The following MYO3B variants were observed in gnomAD, a reference collection of about 807,000 sequenced individuals.
MYO3B encodes the protein myosin IIIB, also known as myosin-IIIb.
A neutral mutation model predicts 174.6 loss-of-function variants in MYO3B; 156 were observed. That is an observed-to-expected ratio of 0.89 (90% CI 0.78 to 1.02). The LOEUF (loss-of-function observed/expected upper bound fraction) is 1.02, where lower values mean the gene tolerates loss of function less well. Ranked by LOEUF, MYO3B falls within the 50% of genes least tolerant of loss-of-function variation. The pLI is 0.00. For missense variants in MYO3B, 1,632 were observed against 1,639.4 expected, an observed-to-expected ratio of 1.00 and a Z score of 0.08; for synonymous variants, 563 against 569.1, an observed-to-expected ratio of 0.99 and a Z score of 0.15.
intron 5 of MYO3B, among the ~76,000 whole-genome samples, chr2:170,215,990 A>G (rs946046514): frequency 5.3e-5 from 8 of 152,216 alleles, no homozygotes; most frequent in African/African-American, 1.9e-4. Flanking sequence ...TGCAAAAGGA[A>G]TGTCTAGAAA....
intron 14 of MYO3B, among the ~76,000 whole-genome samples, chr2:170,388,615 A>G (rs144313643): frequency 4.1e-4 from 62 of 152,268 alleles, no homozygotes; most frequent in African/African-American, 1.2e-3. Context: ...TTTTGAGATG[A>G]TCACGCTAGC....
At chr2:170,426,431 G>C (rs2094662107) in intron 22 of MYO3B, among the ~76,000 whole-genome samples, 1 of 151,168 alleles carries the variant, frequency 6.6e-6, no homozygotes, top group Non-Finnish European at 1.5e-5. Context: ...TGCCTCCTGG[G>C]TTCACGCCAT....
chr2:170,574,948 C>T (rs6754688), intron 32 of MYO3B, among the ~76,000 whole-genome samples: 1,819 of 152,240 alleles, frequency 0.012, 33 homozygotes, highest in African/African-American at 0.042. Flanking sequence ...ACCCTCCCCA[C>T]TCCCTTTAAT....
intron 1 of MYO3B, among the ~76,000 whole-genome samples, chr2:170,185,603 C>A (rs1231535586): frequency 3.3e-5 from 5 of 152,126 alleles, no homozygotes; most frequent in African/African-American, 1.2e-4. Context: ...GTTTGCTTTG[C>A]TCAGGATAGC....
intron 22 of MYO3B, chr2:170,412,165 C>T (rs1197431023): frequency 3.9e-5 from 6 of 152,194 alleles, no homozygotes; most frequent in Non-Finnish European, 8.8e-5. Flanking sequence ...GGTTTCAAGG[C>T]ATATTTTCCT....
At chr2:170,529,302 T>C (rs886679679) in intron 30 of MYO3B, among the ~76,000 whole-genome samples, 2 of 151,834 alleles carry the variant, frequency 1.3e-5, no homozygotes, top group Admixed American at 1.3e-4. Flanking sequence ...CAAACCCCCA[T>C]GACACAAGTT....
At chr2:170,318,318 A>G (rs2093790170) in intron 7 of MYO3B, among the ~76,000 whole-genome samples, 1 of 152,242 alleles carries the variant, frequency 6.6e-6, no homozygotes, top group Admixed American at 6.5e-5. Context: ...TCTTAATACC[A>G]TGTTAATGGT....
chr2:170,185,607 G>C (rs532762190), intron 1 of MYO3B, among the ~76,000 whole-genome samples: 13 of 152,188 alleles, frequency 8.5e-5, no homozygotes, highest in Non-Finnish European at 1.5e-4. Flanking sequence ...GCTTTGCTCA[G>C]GATAGCTTTG....
chr2:170,386,411 G>C (rs1247714600), intron 13 of MYO3B, 139 bp downstream of exon 13: 3 of 616,282 alleles, frequency 4.9e-6, no homozygotes, highest in Admixed American at 3.0e-5. Flanking sequence ...TTTGCCTCCT[G>C]ATAGCGAGGC....
chr2:170,389,107 A>G (rs1184482396), intron 14 of MYO3B, among the ~76,000 whole-genome samples: 2 of 152,228 alleles, frequency 1.3e-5, no homozygotes, highest in African/African-American at 4.8e-5. Flanking sequence ...TTGCTTATTA[A>G]TGTAAATATT....
At chr2:170,524,564 A>C (rs968624060) in intron 30 of MYO3B, 5 of 423,756 alleles carry the variant, frequency 1.2e-5, no homozygotes, top group Non-Finnish European at 2.3e-5. Context: ...GCTGACTGCA[A>C]CCTCCGCCCT....
chr2:170,540,126 A>G (rs912174551), intron 30 of MYO3B, among the ~76,000 whole-genome samples: 1 of 152,084 alleles, frequency 6.6e-6, no homozygotes, highest in Admixed American at 6.5e-5. Flanking sequence ...GTTCGAGACC[A>G]GCCTGTGCAA....
Position 170,653,613 on chromosome 2 carries a change from G to C in MYO3B, c.*492G>C. 1 of 157,036 alleles carries C rather than the reference G, an allele frequency of 6.4e-6. No individual in the cohort carries two copies. Among genetic ancestry groups the C allele is most frequent in the South Asian group, 1.9e-4 (1 of 5,182 alleles). The allele number at this position is 157,036 out of a possible 1,614,324, so 9.7% of individuals were successfully genotyped here. ...ATCACTCCCACCTCCCCCAGAGTCA[G>C]GGCTCCATTGCTGAGTGCCCCATCC... On this transcript the variant is annotated 3_prime_UTR_variant, in exon 35 of 35. Coordinates refer to ENST00000408978, the MANE Select transcript of MYO3B (RefSeq NM_138995.5).
chr2:170,201,533 T>G (rs2092661780), intron 3 of MYO3B, among the ~76,000 whole-genome samples: 1 of 152,240 alleles, frequency 6.6e-6, no homozygotes, highest in Non-Finnish European at 1.5e-5. Flanking sequence ...GGAATTCATT[T>G]GTTATATTCA....
chr2:170,413,169 T>A (rs2016702), intron 22 of MYO3B, among the ~76,000 whole-genome samples: 24,129 of 151,940 alleles, frequency 0.16, 2,173 homozygotes, highest in East Asian at 0.34. Flanking sequence ...TAGAAGGAAA[T>A]GTCAGGGAAA....
chr2:170,573,227 G>GTATATATATATATATA (rs34137139), intron 32 of MYO3B, among the ~76,000 whole-genome samples: 2 of 46,440 alleles, frequency 4.3e-5, no homozygotes, highest in Non-Finnish European at 1.6e-4. Context: ...TATACTGTGT[G>GTATATATATATATATA]TATATATATA....
intron 22 of MYO3B, among the ~76,000 whole-genome samples, chr2:170,442,585 G>A (rs1422789514): frequency 6.7e-6 from 1 of 148,660 alleles, no homozygotes; most frequent in Admixed American, 6.8e-5. Context: ...CATGTGCTAT[G>A]TTGGTGTGCT....
intron 21 of MYO3B, 76 bp from the exon 22 acceptor site, chr2:170,407,639 G>A: frequency 6.4e-7 from 1 of 1,554,220 alleles, no homozygotes. Flanking sequence ...ATTAACAACT[G>A]GTTAGGCAAG....
chr2:170,618,797 A>C lies in MYO3B; in HGVS notation c.3734-32831A>C, dbSNP rs559482795. 1.6e-4 allele frequency among the ~76,000 whole-genome samples: 25 copies of C among 152,256 alleles called. No homozygotes were observed. The South Asian group carries it at 4.8e-3, about 29-fold the overall frequency. ...ATGGTCACATGGGGATGAAGTAATT[A>C]ACATAACATTTGTATGTAGAAGTAC... On this transcript the variant is annotated intron_variant, in intron 32 of 34. Coordinates refer to ENST00000408978, the MANE Select transcript of MYO3B (RefSeq NM_138995.5).
Sources: gnomAD v4.1 joint callset for allele counts (sites outside exome capture counted in the v4.1 genomes callset) on GRCh38, gnomAD v4.1.1 for gene constraint, MANE v1.5 for transcripts, NCBI Gene and HGNC (gene_info 2026-07-23, HGNC 2026-07-21) for gene names.